CYP3A4: variants seen among roughly 807,000 people sequenced by gnomAD.
The protein encoded by CYP3A4 is cytochrome P450 family 3 subfamily A member 4, also known as cytochrome P450 3A4.
Under a neutral mutation model 54.9 loss-of-function variants are expected in CYP3A4, and 41 were observed. The observed-to-expected ratio is 0.75, with a 90% CI of 0.58 to 0.97. The LOEUF is 0.97. CYP3A4 is among the 50% of genes least tolerant of loss of function. The pLI is 0.00. For missense variants in CYP3A4, 510 were observed against 597.3 expected (o/e 0.85, Z 1.52); for synonymous variants, 179 against 205.2 (o/e 0.87, Z 1.09).
chr7:99,758,126 G>A lies in CYP3A4; in HGVS notation c.*7C>T, dbSNP rs1161475251. 1 of 1,612,592 alleles carries A rather than the reference G, an allele frequency of 6.2e-7. No homozygotes were observed. Among genetic ancestry groups the A allele is most frequent in the Non-Finnish European group, 8.5e-7 (1 of 1,178,792 alleles). On this transcript the variant is annotated 3_prime_UTR_variant, in exon 13 of 13. Transcript: ENST00000651514. ...TTGAAGAGCAAAGCAGAAGTCCTTAGGAAAATTCAGGCTCCACTTACGGTG... is the reference window on the plus strand; with the variant it reads ...TTGAAGAGCAAAGCAGAAGTCCTTAAGAAAATTCAGGCTCCACTTACGGTG...
At chr7:99,777,773 A>C (rs2151565366) in intron 3 of CYP3A4, among the ~76,000 whole-genome samples, 1 of 152,294 alleles carries the variant, frequency 6.6e-6, no homozygotes, top group African/African-American at 2.4e-5. Flanking sequence ...AATCCTCCTC[A>C]TATTTTCCTT....
chr7:99,758,352 T>C (rs3735451), intron 12 of CYP3A4, 124 bp from the exon 13 acceptor site: 200,605 of 1,177,246 alleles, frequency 0.17, 31,124 homozygotes, highest in African/African-American at 0.71. Context: ...TTCTGATCTC[T>C]ATGGAGTAAT....
chr7:99,775,316 T>G (rs1815735953), intron 3 of CYP3A4, among the ~76,000 whole-genome samples: 1 of 152,144 alleles, frequency 6.6e-6, no homozygotes, highest in African/African-American at 2.4e-5. Flanking sequence ...ACCACTGACT[T>G]TCCTCATAGA....
At chr7:99,772,209 G>C (rs1220530929) in intron 4 of CYP3A4, among the ~76,000 whole-genome samples, 1 of 152,166 alleles carries the variant, frequency 6.6e-6, no homozygotes, top group Non-Finnish European at 1.5e-5. Flanking sequence ...GATCATGCTG[G>C]TCATTGCACA....
chr7:99,767,741 A>T (rs1815511064), intron 7 of CYP3A4, among the ~76,000 whole-genome samples: 1 of 152,238 alleles, frequency 6.6e-6, no homozygotes, highest in Non-Finnish European at 1.5e-5. Flanking sequence ...TTAAATAATA[A>T]ACATTTAAGT....
chr7:99,772,852 G>A (rs1299218271), intron 3 of CYP3A4, among the ~76,000 whole-genome samples, 163 bp from the exon 4 acceptor site: 1 of 152,112 alleles, frequency 6.6e-6, no homozygotes, highest in East Asian at 1.9e-4. Flanking sequence ...CACAGCAAGA[G>A]TCTGACACAG....
intron 3 of CYP3A4, among the ~76,000 whole-genome samples, chr7:99,773,114 GT>G (rs764882780): frequency 2.0e-5 from 3 of 152,098 alleles, no homozygotes; most frequent in Non-Finnish European, 4.4e-5. Flanking sequence ...TTACATAATG[GT>G]GATGGGATCA....
chr7:99,780,656 G>A (rs991765533), intron 1 of CYP3A4, among the ~76,000 whole-genome samples: 5 of 152,078 alleles, frequency 3.3e-5, no homozygotes, highest in South Asian at 4.1e-4. Flanking sequence ...TTCTTAAACC[G>A]TCATTCACAG....
chr7:99,767,983 C>T (rs1815517393), intron 7 of CYP3A4, among the ~76,000 whole-genome samples: 2 of 152,068 alleles, frequency 1.3e-5, no homozygotes, highest in South Asian at 4.2e-4. Flanking sequence ...CTGAAGCCAG[C>T]AGAAGAAAGA....
In CYP3A4 at chr7:99,784,163, C is replaced by A. The variant is rs1353230718; in HGVS notation, c.-82G>T. ...TCTTTGCTGGGCTATGTGCATGGAG[C>A]TTTCCTGCCCTGCACAGCAGTGATT... On this transcript the variant is annotated 5_prime_UTR_variant, in exon 1 of 13. Coordinates refer to ENST00000651514, the MANE Select transcript of CYP3A4 (RefSeq NM_017460.6). 2.4e-6 allele frequency: 3 copies of A among 1,274,004 alleles called. No homozygotes were observed. The East Asian group carries it at 7.0e-5, about 30-fold the overall frequency. 78.9% of individuals were successfully genotyped at this position (1,274,004 alleles called of 1,614,324 possible).
intron 7 of CYP3A4, among the ~76,000 whole-genome samples, chr7:99,767,622 A>C (rs1314701657): frequency 2.0e-5 from 3 of 152,246 alleles, no homozygotes; most frequent in Non-Finnish European, 1.5e-5. Context: ...TTCAAGAAAT[A>C]GTAGGTAGTC....
chr7:99,760,026 G>A (rs1298382920), intron 12 of CYP3A4, among the ~76,000 whole-genome samples: 3 of 152,012 alleles, frequency 2.0e-5, no homozygotes, highest in East Asian at 1.9e-4. Context: ...TAGTAGAGAC[G>A]GGGTTTCACC....
intron 12 of CYP3A4, 141 bp downstream of exon 12, chr7:99,760,678 T>A (rs1815296241): frequency 3.5e-6 from 4 of 1,155,010 alleles, no homozygotes; most frequent in Non-Finnish European, 4.8e-6. Flanking sequence ...CCCTTAAAGA[T>A]CACAGATGGG....
At chr7:99,781,960 G>A (rs1191479957) in intron 1 of CYP3A4, among the ~76,000 whole-genome samples, 1 of 152,208 alleles carries the variant, frequency 6.6e-6, no homozygotes, top group African/African-American at 2.4e-5. Flanking sequence ...CTGAGAAATG[G>A]CGTGGAGGCT....
intron 10 of CYP3A4, among the ~76,000 whole-genome samples, chr7:99,763,095 C>T (rs1260608534): frequency 6.6e-6 from 1 of 152,214 alleles, no homozygotes; most frequent in African/African-American, 2.4e-5. Context: ...TACTGCCTGA[C>T]TGGAACATGA....
intron 1 of CYP3A4, among the ~76,000 whole-genome samples, chr7:99,783,608 T>C (rs1815983016): frequency 7.2e-6 from 1 of 138,774 alleles, no homozygotes. Flanking sequence ...TTGAACATCT[T>C]TTTTTTTTTT....
At position 99,772,693 on chromosome 7, in the gene CYP3A4, T is replaced by C. The variant is rs748640574; in HGVS notation, c.219-4A>G. 6.2e-7 allele frequency: 1 copy of C among 1,612,248 alleles called. No individual in the cohort carries two copies. The highest frequency in any genetic ancestry group is 8.5e-7 in the Non-Finnish European group (1 of 1,179,064). The stretch of plus-strand genomic sequence containing the variant: ...AGGCTGTTGACCATCATAAAAGCTG[T>C]GTGAAAAAAACAGAGTTGATTAAAC... On this transcript the variant is annotated splice_region_variant and splice_polypyrimidine_tract_variant and intron_variant, in intron 3 of 12. Transcript: ENST00000651514.
intron 4 of CYP3A4, among the ~76,000 whole-genome samples, chr7:99,771,858 CGTTGGAGG>C (rs1815643496): frequency 6.6e-6 from 1 of 151,976 alleles, no homozygotes; most frequent in Non-Finnish European, 1.5e-5. Flanking sequence ...CCAAAAATGG[CGTTGGAGG>C]AATTGGACAG....
chr7:99,776,629 A>G (rs1815778633), intron 3 of CYP3A4, among the ~76,000 whole-genome samples: 1 of 152,122 alleles, frequency 6.6e-6, no homozygotes. Context: ...ACTCCTAAGT[A>G]GGAGTTGAAC....
Sources: allele counts gnomAD v4.1 joint callset (sites outside exome capture counted in the v4.1 genomes callset), GRCh38; gene constraint gnomAD v4.1.1; transcripts MANE v1.5; gene names NCBI Gene and HGNC (gene_info 2026-07-23, HGNC 2026-07-21).